The following SUSD1 variants were observed in gnomAD, a reference collection of about 807,000 sequenced individuals.
SUSD1 encodes the protein sushi domain-containing protein 1.
In SUSD1, 65 loss-of-function variants were observed where a neutral mutation model predicts 86.9. The ratio of observed to expected loss-of-function variants is 0.75; its 90% CI spans 0.61 to 0.92. The LOEUF is 0.92. Ranked by LOEUF, SUSD1 falls within the 40% of genes least tolerant of loss-of-function variation. The probability of loss-of-function intolerance (pLI) is 0.00; values close to 1 mark genes in which losing one functional copy is unlikely to be tolerated. For synonymous variants in SUSD1, 346 were observed against 350.0 expected (o/e 0.99, Z 0.13); for missense variants, 850 against 929.7 (o/e 0.91, Z 1.11).
At chr9:112,153,819 G>A (rs1833175036) in intron 2 of SUSD1, among the ~76,000 whole-genome samples, 1 of 151,838 alleles carries the variant, frequency 6.6e-6, no homozygotes, top group Non-Finnish European at 1.5e-5. Flanking sequence ...TCACCATGTT[G>A]GACAGGCTGG....
chr9:112,065,097 C>T (rs996391032), intron 12 of SUSD1, among the ~76,000 whole-genome samples: 13 of 152,150 alleles, frequency 8.5e-5, no homozygotes, highest in Non-Finnish European at 2.9e-5. Context: ...ATTAGCAAGT[C>T]GTAGAGTCAG....
In SUSD1 at chr9:112,105,300, A is replaced by T. The variant is rs191645949; in HGVS notation, c.1172-3015T>A. Among the ~76,000 whole-genome samples the T allele has an allele frequency of 6.8e-4, 104 of 152,334 alleles. 1 individual carries two copies. The highest frequency in any genetic ancestry group is 2.5e-3 in the African/African-American group (103 of 41,586). On this transcript the variant is annotated intron_variant, in intron 8 of 16. Transcript: ENST00000374270. ...AAATGGGAAACCAGTGTGGACGAAC[A>T]AGCAATTCCACACAGGGGTATTTGA... is the stretch of plus-strand genomic sequence containing the variant.
intron 13 of SUSD1, among the ~76,000 whole-genome samples, chr9:112,061,048 C>A (rs796616815): frequency 5.9e-5 from 9 of 152,300 alleles, no homozygotes; most frequent in African/African-American, 2.2e-4. Flanking sequence ...GAATCGAAAT[C>A]TCTAGGAGTA....
chr9:112,099,998 G>A (rs142044479), intron 9 of SUSD1, among the ~76,000 whole-genome samples: 192 of 152,208 alleles, frequency 1.3e-3, no homozygotes, highest in African/African-American at 4.4e-3. Context: ...CTATGCTATC[G>A]TCAGAGCTGC....
intron 14 of SUSD1, among the ~76,000 whole-genome samples, chr9:112,054,615 G>C (rs1589582095): frequency 3.3e-5 from 5 of 151,562 alleles, no homozygotes; most frequent in Admixed American, 3.3e-4. Context: ...TTCAACAAAT[G>C]GTACTAGGAA....
At chr9:112,125,085 T>C (rs1303774104) in intron 5 of SUSD1, among the ~76,000 whole-genome samples, 2 of 152,106 alleles carry the variant, frequency 1.3e-5, no homozygotes, top group Non-Finnish European at 2.9e-5. Context: ...CCCAAGAAAG[T>C]CATTTTTAGA....
chr9:112,169,526 A>G (rs1833952673), intron 1 of SUSD1: 1 of 152,270 alleles, frequency 6.6e-6, no homozygotes, highest in African/African-American at 2.4e-5. Context: ...GGGCCCCCAC[A>G]CCTGGCCTCA....
chr9:112,142,076 T>C (rs1832600987), intron 5 of SUSD1, among the ~76,000 whole-genome samples: 1 of 151,554 alleles, frequency 6.6e-6, no homozygotes, highest in Non-Finnish European at 1.5e-5. Flanking sequence ...TACAAAGTGA[T>C]CAATCAAGAG....
At chr9:112,046,767 T>G (rs1827973006) in intron 15 of SUSD1, among the ~76,000 whole-genome samples, 1 of 152,198 alleles carries the variant, frequency 6.6e-6, no homozygotes, top group African/African-American at 2.4e-5. Context: ...TCTTTGCTAT[T>G]CTAGGGTCTT....
chr9:112,140,204 T>C (rs1420186335), intron 5 of SUSD1, among the ~76,000 whole-genome samples: 2 of 125,108 alleles, frequency 1.6e-5, no homozygotes, highest in Non-Finnish European at 1.6e-5. Flanking sequence ...CTACCAAAAA[T>C]ACAAAAAATT....
Position 112,080,619 on chromosome 9 carries a change from C to T in SUSD1, c.1475-454G>A, listed in dbSNP as rs1465757542. ...AGGAGAATCGCTTGAACCTGGGAGG[C>T]GGGGGTTGCAGTCAGCAGAGATTGT... On this transcript the variant is annotated intron_variant, in intron 10 of 16. Coordinates refer to ENST00000374270, the MANE Select transcript of SUSD1 (RefSeq NM_022486.5). 8.9e-5 allele frequency among the ~76,000 whole-genome samples: 13 copies of T among 145,414 alleles called. No individual in the cohort carries two copies. The East Asian group carries it at 2.2e-3, about 25-fold the overall frequency.
chr9:112,050,285 C>T (rs1828132242), intron 15 of SUSD1, among the ~76,000 whole-genome samples: 2 of 152,218 alleles, frequency 1.3e-5, no homozygotes, highest in South Asian at 4.1e-4. Flanking sequence ...GGGGCCCTCA[C>T]TGCCTGGTCA....
chr9:112,156,802 A>C (rs1833347964), intron 2 of SUSD1, among the ~76,000 whole-genome samples: 1 of 152,152 alleles, frequency 6.6e-6, no homozygotes, highest in Non-Finnish European at 1.5e-5. Flanking sequence ...TAAAACCATC[A>C]ATATTTTTAA....
chr9:112,047,505 A>C (rs1828008094), intron 15 of SUSD1, among the ~76,000 whole-genome samples: 2 of 152,176 alleles, frequency 1.3e-5, no homozygotes, highest in Non-Finnish European at 2.9e-5. Flanking sequence ...TATTGGCTAC[A>C]TTCAGTTCCT....
chr9:112,052,123 G>A, intron 15 of SUSD1: 1 of 1,380,042 alleles, frequency 7.2e-7, no homozygotes, highest in Non-Finnish European at 9.4e-7. Context: ...ACAGAGAACT[G>A]AAACAAGAGA....
chr9:112,103,142 A>G (rs1160298025), intron 8 of SUSD1: 2 of 462,720 alleles, frequency 4.3e-6, no homozygotes, highest in East Asian at 7.1e-5. Flanking sequence ...TTATATGTGT[A>G]TTTCTCCCGT....
chr9:112,068,679 GCAACAGCTAGACCCTGTCT>G (rs1479248091), intron 12 of SUSD1, among the ~76,000 whole-genome samples: 1 of 148,866 alleles, frequency 6.7e-6, no homozygotes, highest in African/African-American at 2.5e-5. Flanking sequence ...TCCAGCCTGG[GCAACAGCTAGACCCTGTCT>G]CAAAAAAAAA....
chr9:112,169,140 T>C (rs554327597), intron 1 of SUSD1: 2 of 152,128 alleles, frequency 1.3e-5, no homozygotes, highest in African/African-American at 2.4e-5. Context: ...AATGAAAACA[T>C]AGACTCTGCT....
At chr9:112,130,403 G>T (rs1330232470) in intron 5 of SUSD1, among the ~76,000 whole-genome samples, 1 of 141,932 alleles carries the variant, frequency 7.0e-6, no homozygotes, top group Non-Finnish European at 1.5e-5. Context: ...GGAAGGGAGG[G>T]AACGGGAGGG....
Sources: gnomAD v4.1 joint callset for allele counts (sites outside exome capture counted in the v4.1 genomes callset) on GRCh38, gnomAD v4.1.1 for gene constraint, MANE v1.5 for transcripts, NCBI Gene and HGNC (gene_info 2026-07-23, HGNC 2026-07-21) for gene names.